The following COMMD1 variants were observed in gnomAD, a reference collection of about 807,000 sequenced individuals.
COMMD1 encodes copper metabolism domain containing 1, also known as COMM domain-containing protein 1.
COMMD1 carries 10 observed loss-of-function variants against 17.2 expected under a neutral mutation model. That is an observed-to-expected ratio of 0.58 (90% CI 0.36 to 0.99). COMMD1 has a LOEUF of 0.99. Among genes scored for constraint, COMMD1 ranks in the 50% least tolerant of loss-of-function variants. COMMD1 has a pLI of 0.01. For synonymous variants in COMMD1, 97 were observed against 91.6 expected (o/e 1.06, Z -0.34); for missense variants, 270 against 231.8 (o/e 1.17, Z -1.07).
At chr2:61,930,617 T>TTTTGTGTG (rs1295676718) in intron 1 of COMMD1, among the ~76,000 whole-genome samples, 5 of 146,056 alleles carry the variant, frequency 3.4e-5, no homozygotes, top group Admixed American at 2.1e-4. Context: ...CCACAGGGTT[T>TTTTGTGTG]TGTGTGTGTG....
chr2:62,130,243 T>C (rs973603589), intron 2 of COMMD1, among the ~76,000 whole-genome samples: 2 of 150,722 alleles, frequency 1.3e-5, no homozygotes, highest in South Asian at 4.2e-4. Flanking sequence ...GTAATAAGCT[T>C]TATGAAACAT....
intron 2 of COMMD1, among the ~76,000 whole-genome samples, chr2:62,061,602 C>A (rs1239093217): frequency 2.1e-5 from 3 of 145,712 alleles, no homozygotes; most frequent in Non-Finnish European, 4.5e-5. Flanking sequence ...GTTGCCCAGG[C>A]TGGAGTGCAG....
intron 2 of COMMD1, among the ~76,000 whole-genome samples, chr2:62,085,776 G>A (rs895005588): frequency 1.3e-5 from 2 of 151,130 alleles, no homozygotes; most frequent in South Asian, 2.1e-4. Context: ...TCAGGAGATC[G>A]AGACCATCCT....
At chr2:61,919,101 T>A (rs1670119445) in intron 1 of COMMD1, among the ~76,000 whole-genome samples, 1 of 150,572 alleles carries the variant, frequency 6.6e-6, no homozygotes. Flanking sequence ...AGACTCTGCC[T>A]CTCAGGTTTA....
At chr2:62,066,215 A>G (rs144958832) in intron 2 of COMMD1, among the ~76,000 whole-genome samples, 11 of 152,304 alleles carry the variant, frequency 7.2e-5, no homozygotes, top group African/African-American at 2.6e-4. Flanking sequence ...AATGACCCAC[A>G]GATACTCCCT....
chr2:62,053,624 G>T (rs756365050), intron 2 of COMMD1, among the ~76,000 whole-genome samples: 13 of 152,256 alleles, frequency 8.5e-5, no homozygotes, highest in Non-Finnish European at 1.9e-4. Context: ...TGTAATGATT[G>T]AATTGACGAT....
intron 2 of COMMD1, among the ~76,000 whole-genome samples, chr2:62,018,610 T>G (rs1669518938): frequency 6.6e-6 from 1 of 152,246 alleles, no homozygotes; most frequent in African/African-American, 2.4e-5. Flanking sequence ...ATGGCATATA[T>G]TTAAGGCGTA....
At chr2:61,919,542 C>T (rs1395981477) in intron 1 of COMMD1, among the ~76,000 whole-genome samples, 4 of 143,932 alleles carry the variant, frequency 2.8e-5, no homozygotes, top group African/African-American at 7.7e-5. Flanking sequence ...GGCTTCATCG[C>T]GTTTTTTTTT....
At chr2:61,971,520 G>C (rs368891483) in intron 1 of COMMD1, among the ~76,000 whole-genome samples, 4 of 151,818 alleles carry the variant, frequency 2.6e-5, no homozygotes, top group Admixed American at 2.0e-4. Flanking sequence ...AAGGCAAAAA[G>C]GAAAAAAGAG....
intron 2 of COMMD1, among the ~76,000 whole-genome samples, chr2:62,022,448 CTT>C (rs747830662): frequency 1.3e-4 from 11 of 84,944 alleles, no homozygotes; most frequent in Middle Eastern, 7.7e-3. Flanking sequence ...ACCGGCGCTT[CTT>C]TTTTTTTTTT....
intron 2 of COMMD1, among the ~76,000 whole-genome samples, chr2:62,132,942 G>C (rs1673085640): frequency 6.6e-6 from 1 of 152,154 alleles, no homozygotes; most frequent in South Asian, 2.1e-4. Flanking sequence ...TTTGCCAACT[G>C]AACTGCCTAA....
chr2:62,066,676 C>T (rs898493598), intron 2 of COMMD1, among the ~76,000 whole-genome samples: 16 of 151,088 alleles, frequency 1.1e-4, no homozygotes, highest in African/African-American at 3.7e-4. Context: ...GCTGGGATTA[C>T]AGGTGTGAGC....
chr2:62,042,162 C>T (rs1670231148), intron 2 of COMMD1, among the ~76,000 whole-genome samples: 1 of 152,192 alleles, frequency 6.6e-6, no homozygotes, highest in African/African-American at 2.4e-5. Context: ...TTTAGCTAGA[C>T]ACACAGCGCT....
chr2:62,122,329 A>G (rs1672770902), intron 2 of COMMD1, among the ~76,000 whole-genome samples: 1 of 152,222 alleles, frequency 6.6e-6, no homozygotes, highest in Non-Finnish European at 1.5e-5. Flanking sequence ...GTTTGAAAGT[A>G]TCAAAACTCG....
intron 1 of COMMD1, among the ~76,000 whole-genome samples, chr2:61,918,358 C>T (rs1368263173): frequency 2.6e-5 from 4 of 152,170 alleles, no homozygotes; most frequent in Non-Finnish European, 5.9e-5. Context: ...ATTATTCATT[C>T]TCTGAAGAAT....
At chr2:62,105,123 C>T (rs1234638150) in intron 2 of COMMD1, among the ~76,000 whole-genome samples, 1 of 140,904 alleles carries the variant, frequency 7.1e-6, no homozygotes, top group Admixed American at 7.2e-5. Flanking sequence ...AAAACTCTGT[C>T]TCAAAAAAAA....
chr2:62,050,327 A>T (rs1670501936), intron 2 of COMMD1, among the ~76,000 whole-genome samples: 1 of 152,242 alleles, frequency 6.6e-6, no homozygotes, highest in Non-Finnish European at 1.5e-5. Context: ...GACATAACTA[A>T]TGTTGGAGAA....
At chr2:62,113,858 A>G (rs957365231) in intron 2 of COMMD1, among the ~76,000 whole-genome samples, 9 of 152,208 alleles carry the variant, frequency 5.9e-5, no homozygotes, top group African/African-American at 1.9e-4. Context: ...TTCATTTTAT[A>G]TTTGTGTTAC....
At chr2:62,090,167 C>T (rs1318439855) in intron 2 of COMMD1, among the ~76,000 whole-genome samples, 1 of 148,944 alleles carries the variant, frequency 6.7e-6, no homozygotes, top group Non-Finnish European at 1.5e-5. Flanking sequence ...TTTCCTTTTG[C>T]TATATCTGGC....
Sources: gnomAD v4.1 joint callset for allele counts (sites outside exome capture counted in the v4.1 genomes callset) on GRCh38, gnomAD v4.1.1 for gene constraint, MANE v1.5 for transcripts, NCBI Gene and HGNC (gene_info 2026-07-23, HGNC 2026-07-21) for gene names.